The following NLGN4Y variants were observed in gnomAD, a reference collection of about 807,000 sequenced individuals.
NLGN4Y encodes the protein neuroligin 4 Y-linked.
A neutral mutation model predicts 8.4 loss-of-function variants in NLGN4Y; 4 were observed. That is an observed-to-expected ratio of 0.48 (90% CI 0.23 to 1.09). The LOEUF is 1.09. NLGN4Y is among the 50% of genes least tolerant of loss of function. The probability of loss-of-function intolerance (pLI) is 0.19; values close to 1 mark genes in which losing one functional copy is unlikely to be tolerated. For synonymous variants in NLGN4Y, 35 were observed against 75.6 expected (o/e 0.46, Z 2.78); for missense variants, 90 against 192.3 (o/e 0.47, Z 3.15).
intron 4 of NLGN4Y, among the ~76,000 whole-genome samples, chrY:14,748,215 C>A (rs2081029055): frequency 3.0e-5 from 1 of 33,328 alleles, no homozygotes; most frequent in African/African-American, 1.2e-4. Flanking sequence ...GTCAAATAAT[C>A]CGAGTTGTAG....
intron 4 of NLGN4Y, among the ~76,000 whole-genome samples, chrY:14,817,192 T>A (rs2043105380): frequency 3.0e-5 from 1 of 33,513 alleles, no homozygotes; most frequent in African/African-American, 1.2e-4. Flanking sequence ...AAAAATAATT[T>A]TTTTCATGTA....
chrY:14,757,846 T>C, intron 4 of NLGN4Y, among the ~76,000 whole-genome samples: 1 of 34,816 alleles, frequency 2.9e-5, no homozygotes, highest in Non-Finnish European at 7.2e-5. Flanking sequence ...TCTTGCATAG[T>C]TGGGATTACA....
At chrY:14,782,956 GACTC>G (rs2042948355) in intron 4 of NLGN4Y, among the ~76,000 whole-genome samples, 4 of 33,818 alleles carry the variant, frequency 1.2e-4, no homozygotes, top group Non-Finnish European at 2.2e-4. Context: ...TTGAATGACT[GACTC>G]ACAACAGTGA....
intron 1 of NLGN4Y, among the ~76,000 whole-genome samples, chrY:14,602,361 T>A (rs2080429816): frequency 3.0e-5 from 1 of 33,019 alleles, no homozygotes; most frequent in Non-Finnish European, 7.4e-5. Flanking sequence ...AGGTACATAG[T>A]ATTGTACTCA....
chrY:14,654,294 T>C, intron 2 of NLGN4Y, among the ~76,000 whole-genome samples: 1 of 33,384 alleles, frequency 3.0e-5, no homozygotes, highest in Non-Finnish European at 7.4e-5. Context: ...ATTTTTTCTT[T>C]ACATATTTCT....
intron 1 of NLGN4Y, among the ~76,000 whole-genome samples, chrY:14,552,656 A>G (rs572943114): frequency 1.5e-4 from 5 of 33,804 alleles, no homozygotes; most frequent in African/African-American, 5.7e-4. Context: ...CCATCACATA[A>G]ACAGAACCAA....
At chrY:14,524,382 C>T (rs2150456250), upstream of NLGN4Y, 1 of 89,164 alleles carries the variant, frequency 1.1e-5, no homozygotes, top group East Asian at 3.0e-4. Flanking sequence ...TCCTCCCGCA[C>T]CATCCCATCT....
At chrY:14,547,665 A>G in intron 1 of NLGN4Y, among the ~76,000 whole-genome samples, 1 of 34,114 alleles carries the variant, frequency 2.9e-5, no homozygotes, top group Non-Finnish European at 7.3e-5. Flanking sequence ...AGGTGGTGCA[A>G]CTTGCTGGTA....
intron 4 of NLGN4Y, among the ~76,000 whole-genome samples, chrY:14,789,785 G>A (rs2042979461): frequency 5.9e-5 from 2 of 33,663 alleles, no homozygotes; most frequent in Non-Finnish European, 1.5e-4. Flanking sequence ...CACCATAAGT[G>A]ATGAGATGAC....
chrY:14,787,434 G>T (rs2042971629), intron 4 of NLGN4Y, among the ~76,000 whole-genome samples: 1 of 33,190 alleles, frequency 3.0e-5, no homozygotes, highest in South Asian at 6.8e-4. Context: ...AGTGTTTGGG[G>T]GTGGTTAGGC....
chrY:14,735,446 G>A (rs2080988677), intron 4 of NLGN4Y, among the ~76,000 whole-genome samples: 1 of 33,755 alleles, frequency 3.0e-5, no homozygotes, highest in South Asian at 6.6e-4. Context: ...TGAAAAACAC[G>A]TTTGCTTCCC....
At chrY:14,827,638 C>T (rs2043153576) in intron 5 of NLGN4Y, among the ~76,000 whole-genome samples, 1 of 32,825 alleles carries the variant, frequency 3.0e-5, no homozygotes, top group Non-Finnish European at 7.5e-5. Flanking sequence ...AAAAATTAGC[C>T]AGGTGTGGTG....
At chrY:14,603,762 G>A (rs2080436752) in intron 1 of NLGN4Y, among the ~76,000 whole-genome samples, 1 of 33,140 alleles carries the variant, frequency 3.0e-5, no homozygotes, top group Non-Finnish European at 7.4e-5. Context: ...CAAATTATTT[G>A]ACTTAGATTT....
intron 2 of NLGN4Y, among the ~76,000 whole-genome samples, chrY:14,653,699 G>A: frequency 9.0e-5 from 3 of 33,203 alleles, no homozygotes; most frequent in East Asian, 8.0e-4. Context: ...ACAGGCGCCC[G>A]CCACCGTGCC....
chrY:14,751,911 G>A, intron 4 of NLGN4Y: 1 of 32,438 alleles, frequency 3.1e-5, no homozygotes, highest in African/African-American at 1.2e-4. Context: ...ACCTGCCTCG[G>A]CCTCCCAAAG....
intron 2 of NLGN4Y, among the ~76,000 whole-genome samples, chrY:14,685,425 T>C (rs2080786107): frequency 3.0e-5 from 1 of 33,282 alleles, no homozygotes; most frequent in Non-Finnish European, 7.4e-5. Context: ...GCCATTACCT[T>C]CCTCTCTCTG....
At chrY:14,736,179 A>G (rs748018936) in intron 4 of NLGN4Y, among the ~76,000 whole-genome samples, 1 of 33,453 alleles carries the variant, frequency 3.0e-5, no homozygotes, top group African/African-American at 1.2e-4. Flanking sequence ...CAACTTTTGC[A>G]TTATTGTAAC....
intron 4 of NLGN4Y, among the ~76,000 whole-genome samples, chrY:14,725,552 C>T: frequency 8.9e-5 from 3 of 33,681 alleles, no homozygotes; most frequent in Admixed American, 2.7e-4. Context: ...TACAAATGCT[C>T]ATTAATGTTC....
chrY:14,531,863 A>G (rs2080116189), intron 1 of NLGN4Y, among the ~76,000 whole-genome samples: 1 of 31,283 alleles, frequency 3.2e-5, no homozygotes, highest in Non-Finnish European at 7.7e-5. Context: ...TACAAACTAT[A>G]TATGTAGTAT....
Sources: allele counts gnomAD v4.1 joint callset (sites outside exome capture counted in the v4.1 genomes callset), GRCh38; gene constraint gnomAD v4.1.1; transcripts MANE v1.5; gene names NCBI Gene and HGNC (gene_info 2026-07-23, HGNC 2026-07-21).